SLC24A4: variants seen among roughly 807,000 people sequenced by gnomAD.
The protein encoded by SLC24A4 is solute carrier family 24 member 4, also known as sodium/potassium/calcium exchanger 4.
A neutral mutation model predicts 79.0 loss-of-function variants in SLC24A4; 53 were observed. The observed-to-expected ratio is 0.67, with a 90% CI of 0.54 to 0.84. The LOEUF is 0.84. Ranked by LOEUF, SLC24A4 falls within the 40% of genes least tolerant of loss-of-function variation. The probability of loss-of-function intolerance (pLI) is 0.00; values close to 1 mark genes in which losing one functional copy is unlikely to be tolerated. For missense variants in SLC24A4, 731 were observed against 822.0 expected (o/e 0.89, Z 1.35); for synonymous variants, 323 against 323.8 (o/e 1.00, Z 0.03).
At chr14:92,331,355 CTT>C (rs1885465780) in intron 2 of SLC24A4, among the ~76,000 whole-genome samples, 1 of 152,192 alleles carries the variant, frequency 6.6e-6, no homozygotes, top group African/African-American at 2.4e-5. Flanking sequence ...ATGATCTCAG[CTT>C]ACTGCAGTCT....
In SLC24A4 at chr14:92,498,405, C is replaced by T. The variant is rs1896006762; in HGVS notation, c.*4777C>T. 1 of 152,274 alleles carries T rather than the reference C, an allele frequency of 6.6e-6. No homozygotes were observed. Among genetic ancestry groups the T allele is most frequent in the African/African-American group, 2.4e-5 (1 of 41,436 alleles). The allele number at this position is 152,274 out of a possible 1,614,324, so 9.4% of individuals were successfully genotyped here. On this transcript the variant is annotated 3_prime_UTR_variant, in exon 17 of 17. Coordinates refer to ENST00000532405, the MANE Select transcript of SLC24A4 (RefSeq NM_153646.4). ...TCTGCTGTTCGCTTTGAGCCACAGC[C>T]TTTACCAGCCCGGCTTGTGTGGGGG...
At chr14:92,416,009 T>C (rs554821906) in intron 2 of SLC24A4, among the ~76,000 whole-genome samples, 1 of 152,224 alleles carries the variant, frequency 6.6e-6, no homozygotes, top group South Asian at 2.1e-4. Flanking sequence ...AAACATACGA[T>C]GTTTGGTTTT....
chr14:92,341,200 G>C (rs1483600866), intron 2 of SLC24A4, among the ~76,000 whole-genome samples: 1 of 151,968 alleles, frequency 6.6e-6, no homozygotes, highest in Admixed American at 6.5e-5. Flanking sequence ...GGGAGGGAGG[G>C]GCCACTGGCG....
At chr14:92,470,750 A>G (rs1894399550) in intron 12 of SLC24A4, among the ~76,000 whole-genome samples, 1 of 152,138 alleles carries the variant, frequency 6.6e-6, no homozygotes, top group South Asian at 2.1e-4. Flanking sequence ...CAGTATAGGC[A>G]TTGTCCCATC....
intron 11 of SLC24A4, among the ~76,000 whole-genome samples, chr14:92,454,928 T>A: frequency 6.6e-6 from 1 of 152,202 alleles, no homozygotes; most frequent in Non-Finnish European, 1.5e-5. Flanking sequence ...ATGCATTAAT[T>A]GTACCCACTG....
At chr14:92,339,412 T>G (rs1885999489) in intron 2 of SLC24A4, among the ~76,000 whole-genome samples, 1 of 152,232 alleles carries the variant, frequency 6.6e-6, no homozygotes, top group Non-Finnish European at 1.5e-5. Flanking sequence ...TTTGCACACA[T>G]CACTTCCTTG....
intron 2 of SLC24A4, among the ~76,000 whole-genome samples, chr14:92,330,557 T>G (rs1885416148): frequency 6.6e-6 from 1 of 152,224 alleles, no homozygotes; most frequent in Non-Finnish European, 1.5e-5. Flanking sequence ...TCTGAGTCCC[T>G]AGAGAACTAT....
chr14:92,343,789 G>T (rs574842904), intron 2 of SLC24A4, among the ~76,000 whole-genome samples: 1 of 151,026 alleles, frequency 6.6e-6, no homozygotes, highest in African/African-American at 2.4e-5. Flanking sequence ...TGCATCCTCC[G>T]CCTCCCAGGT....
chr14:92,333,416 T>G (rs1885592721), intron 2 of SLC24A4, among the ~76,000 whole-genome samples: 1 of 152,220 alleles, frequency 6.6e-6, no homozygotes. Flanking sequence ...ATTGAATGTT[T>G]TTTTTCATTC....
chr14:92,394,831 A>T (rs1159862385), intron 2 of SLC24A4, among the ~76,000 whole-genome samples: 1 of 152,230 alleles, frequency 6.6e-6, no homozygotes, highest in African/African-American at 2.4e-5. Context: ...TTCTCTGTCA[A>T]TGTTTAATTC....
At chr14:92,324,493 C>T (rs920201228) in intron 1 of SLC24A4, among the ~76,000 whole-genome samples, 2 of 152,236 alleles carry the variant, frequency 1.3e-5, no homozygotes, top group Non-Finnish European at 2.9e-5. Flanking sequence ...CGTCTCTCAA[C>T]TCCCCTTAAC....
At position 92,382,244 on chromosome 14, in the gene SLC24A4, T is replaced by C. The variant is rs1259131653; in HGVS notation, c.242-51668T>C. ...TGGGGAAAAATAATGTTGGAAATTA[T>C]CATTATCATTTGATAATTATCAATT... On this transcript the variant is annotated intron_variant, in intron 2 of 16. Coordinates refer to ENST00000532405, the MANE Select transcript of SLC24A4 (RefSeq NM_153646.4). Among the ~76,000 whole-genome samples, 4 of 152,192 alleles carry C rather than the reference T, an allele frequency of 2.6e-5. No individual in the cohort carries two copies. In the East Asian group the frequency reaches 5.8e-4, roughly 22 times the overall value.
intron 14 of SLC24A4, among the ~76,000 whole-genome samples, chr14:92,489,164 G>A (rs2094473): frequency 0.25 from 37,290 of 151,978 alleles, 5,028 homozygotes; most frequent in Admixed American, 0.32. Context: ...CTGGCTGGGC[G>A]CGGTGGGTCA....
At chr14:92,386,721 G>C (rs895221692) in intron 2 of SLC24A4, among the ~76,000 whole-genome samples, 1 of 152,214 alleles carries the variant, frequency 6.6e-6, no homozygotes, top group Non-Finnish European at 1.5e-5. Context: ...TTTGTTTGAC[G>C]TTTCTGCTAA....
chr14:92,394,711 C>A (rs770534557), intron 2 of SLC24A4, among the ~76,000 whole-genome samples: 2 of 152,162 alleles, frequency 1.3e-5, no homozygotes, highest in Admixed American at 6.5e-5. Context: ...GGACTGGGTT[C>A]TATTATTTCA....
intron 12 of SLC24A4, among the ~76,000 whole-genome samples, chr14:92,476,591 C>T (rs187444017): frequency 6.6e-6 from 1 of 152,316 alleles, no homozygotes; most frequent in East Asian, 1.9e-4. Flanking sequence ...AATTCGCCCT[C>T]ATAAACTAAT....
At chr14:92,394,320 G>A (rs1256486423) in intron 2 of SLC24A4, among the ~76,000 whole-genome samples, 1 of 152,058 alleles carries the variant, frequency 6.6e-6, no homozygotes, top group Admixed American at 6.5e-5. Flanking sequence ...TACAGGCCAG[G>A]CATGATGGCT....
chr14:92,437,815 C>T (rs760436248), intron 3 of SLC24A4, among the ~76,000 whole-genome samples: 6 of 152,164 alleles, frequency 3.9e-5, no homozygotes, highest in Non-Finnish European at 7.3e-5. Flanking sequence ...CTTAAAATGA[C>T]GGTTCTGAGT....
At chr14:92,372,637 T>A (rs545593565) in intron 2 of SLC24A4, among the ~76,000 whole-genome samples, 1 of 152,220 alleles carries the variant, frequency 6.6e-6, no homozygotes, top group East Asian at 1.9e-4. Context: ...CAGGTCCATG[T>A]TTTCTAGCAA....
Sources: allele counts gnomAD v4.1 joint callset (sites outside exome capture counted in the v4.1 genomes callset), GRCh38; gene constraint gnomAD v4.1.1; transcripts MANE v1.5; gene names NCBI Gene and HGNC (gene_info 2026-07-23, HGNC 2026-07-21).